APCDD1L: variants seen among roughly 807,000 people sequenced by gnomAD.
APCDD1L encodes APC down-regulated 1 like.
Under a neutral mutation model 24.2 loss-of-function variants are expected in APCDD1L, and 21 were observed. That is an observed-to-expected ratio of 0.87 (90% CI 0.61 to 1.25). APCDD1L has a LOEUF of 1.25. APCDD1L is among the 50% of genes most tolerant of loss of function. The probability of loss-of-function intolerance (pLI) is 0.00; values close to 1 mark genes in which losing one functional copy is unlikely to be tolerated. For synonymous variants in APCDD1L, 321 were observed against 323.6 expected (o/e 0.99, Z 0.09); for missense variants, 704 against 711.7 (o/e 0.99, Z 0.12).
At chr20:58,479,120 T>A (rs149642540) in intron 1 of APCDD1L, among the ~76,000 whole-genome samples, 80 of 152,306 alleles carry the variant, frequency 5.3e-4, no homozygotes, top group Non-Finnish European at 8.4e-4. Context: ...CAGCCCTGCA[T>A]GTGATTTTAC....
At chr20:58,479,827 C>T (rs1989991090) in intron 1 of APCDD1L, among the ~76,000 whole-genome samples, 1 of 152,126 alleles carries the variant, frequency 6.6e-6, no homozygotes, top group Admixed American at 6.5e-5. Flanking sequence ...GGCTGCGTGG[C>T]CATTAAGCTT....
chr20:58,495,569 C>T (rs935219669), intron 1 of APCDD1L, among the ~76,000 whole-genome samples: 3 of 152,148 alleles, frequency 2.0e-5, no homozygotes, highest in Non-Finnish European at 4.4e-5. Flanking sequence ...GAGGTTGAAG[C>T]CCAGGCTGAA....
At position 58,515,038 on chromosome 20, in the gene APCDD1L, C is replaced by A. The variant is rs2123205583; in HGVS notation, c.-331G>T. 1 of 258,362 alleles carries A rather than the reference C, an allele frequency of 3.9e-6. No homozygotes were observed. The highest frequency in any genetic ancestry group is 7.0e-5 in the East Asian group (1 of 14,288). 16.0% of individuals were successfully genotyped at this position (258,362 alleles called of 1,614,324 possible). A position where few individuals can be genotyped will look rare whatever the true frequency, so the allele number is the denominator to read the frequency against. ...CCCAGCCCTCCCCCAGATGTCCGTC[C>A]CCTGGCCGTCGCCTTCCCCAAAGTC... is the stretch of plus-strand genomic sequence containing the variant. On this transcript the variant is annotated 5_prime_UTR_variant, in exon 1 of 4. Coordinates refer to ENST00000371149, the MANE Select transcript of APCDD1L (RefSeq NM_153360.3).
At chr20:58,514,112 T>C in intron 1 of APCDD1L, 1 of 431,956 alleles carries the variant, frequency 2.3e-6, no homozygotes, top group South Asian at 2.3e-5. Context: ...CTACCAGGGG[T>C]TCCTGAAGCC....
chr20:58,489,210 CAACA>C (rs897876564), intron 1 of APCDD1L, among the ~76,000 whole-genome samples: 1 of 151,454 alleles, frequency 6.6e-6, no homozygotes, highest in Non-Finnish European at 1.5e-5. Context: ...CAACACCAAA[CAACA>C]AACAAACCAA....
rs370587888 is a variant in APCDD1L, at chr20:58,461,076, G to A, written c.1220C>T (p.Pro407Leu). 7.4e-6 allele frequency: 12 copies of A among 1,613,964 alleles called. No homozygotes were observed. Among genetic ancestry groups the A allele is most frequent in the East Asian group, 4.5e-5 (2 of 44,892 alleles). ...CTTGAAAAGCTCGTACTCCACATGCGGGAGCCGGATGCCCAGCGGTAGGCA... is the reference window on the plus strand; with the variant it reads ...CTTGAAAAGCTCGTACTCCACATGCAGGAGCCGGATGCCCAGCGGTAGGCA... ...NGCLPLGIRL[P>L]HVEYELFKME... Residue 407 changes from proline (P) to leucine (L), a missense_variant, in exon 4 of 4, where the codon CCG becomes CTG. Physicochemically the swap from Pro to Leu is moderately conservative, Grantham distance 98. Coordinates refer to ENST00000371149, the MANE Select transcript of APCDD1L (RefSeq NM_153360.3). This position sits in a 1 kb window ranked among gnomAD's most constrained non-coding sequence, Gnocchi z 6.0.
At position 58,471,441 on chromosome 20, in the gene APCDD1L, G is replaced by A. The variant is rs73616274; in HGVS notation, c.50-694C>T. On this transcript the variant is annotated intron_variant, in intron 1 of 3. Coordinates refer to ENST00000371149, the MANE Select transcript of APCDD1L (RefSeq NM_153360.3). ...AGGCCCTGCCCTTCTTCAGGGCTCC[G>A]TCCCTAAGCCCAGACACCAGGGGGA... Among the ~76,000 whole-genome samples the A allele has an allele frequency of 7.8e-3, 1,185 of 152,344 alleles. 39 individuals carry two copies. The highest frequency in any genetic ancestry group is 0.072 in the East Asian group (374 of 5,180).
At chr20:58,481,494 A>G (rs1568742008) in intron 1 of APCDD1L, among the ~76,000 whole-genome samples, 1 of 152,322 alleles carries the variant, frequency 6.6e-6, no homozygotes, top group East Asian at 1.9e-4. Context: ...AGGGGCCAAG[A>G]ATCTTGTCGG....
intron 1 of APCDD1L, among the ~76,000 whole-genome samples, chr20:58,471,624 C>A (rs1373472832): frequency 6.6e-6 from 1 of 152,230 alleles, no homozygotes; most frequent in Non-Finnish European, 1.5e-5. Flanking sequence ...TTTTCTCGGG[C>A]TGCTGAGAGG....
rs748036685 is a variant in APCDD1L at position 58,467,210 on chromosome 20, G to A, written c.637C>T (p.Pro213Ser). Residue 213 changes from proline (P) to serine (S), a missense_variant, in exon 3 of 4, where the codon CCC (proline) becomes TCC (serine). Physicochemically the swap from Pro to Ser is moderately conservative, Grantham distance 74. Coordinates refer to ENST00000371149, the MANE Select transcript of APCDD1L (RefSeq NM_153360.3). The surrounding 1 kb of genome is among the most constrained non-coding windows in gnomAD (Gnocchi z 5.9). The stretch of plus-strand genomic sequence containing the variant: ...AGGTACAGCTCCTCCACCAGCCGGG[G>A]CGACGCCCGGGGCTGCGGCTGCAGG... Reference protein sequence around the residue: ...RRLQPQPRASPRLVEELYLGD... With the variant: ...RRLQPQPRASSRLVEELYLGD... 6.2e-7 allele frequency: 1 copy of A among 1,603,450 alleles called. No individual in the cohort carries two copies. Among genetic ancestry groups the A allele is most frequent in the East Asian group, 2.2e-5 (1 of 44,790 alleles).
intron 1 of APCDD1L, among the ~76,000 whole-genome samples, chr20:58,496,668 G>A (rs762656224): frequency 7.9e-5 from 12 of 152,362 alleles, no homozygotes; most frequent in Middle Eastern, 3.4e-3. Context: ...CAGACAGGCC[G>A]GGAGGGTGCA....
Position 58,461,025 on chromosome 20 carries a change from C to G in APCDD1L, c.1271G>C (p.Ser424Thr). 1 of 1,614,124 alleles carries G rather than the reference C, an allele frequency of 6.2e-7. No homozygotes were observed. The highest frequency in any genetic ancestry group is 8.5e-7 in the Non-Finnish European group (1 of 1,180,006). Reference protein sequence around the residue: ...FKMEQDPLGQSLLFIGQRPTD... With the variant: ...FKMEQDPLGQTLLFIGQRPTD... ...GGGCCTTTGTCCGATGAAGAGCAGG[C>G]TTTGCCCGAGGGGGTCTTGTTCCAT... Residue 424 changes from serine to threonine, a missense_variant, in exon 4 of 4, where the codon AGC becomes ACC. By Grantham distance (58) the Ser-to-Thr change is moderately conservative (BLOSUM62 1). Transcript: ENST00000371149. This position sits in a 1 kb window ranked among gnomAD's most constrained non-coding sequence, Gnocchi z 6.0.
At chr20:58,471,393 C>T (rs1291930967) in intron 1 of APCDD1L, among the ~76,000 whole-genome samples, 3 of 152,144 alleles carry the variant, frequency 2.0e-5, no homozygotes, top group African/African-American at 2.4e-5. Flanking sequence ...AGGCCCGGGC[C>T]GAGGTGTGAG....
intron 1 of APCDD1L, among the ~76,000 whole-genome samples, chr20:58,511,275 C>T (rs1440671087): frequency 2.0e-5 from 3 of 152,236 alleles, no homozygotes; most frequent in Admixed American, 2.0e-4. Flanking sequence ...AGCCCCCCAA[C>T]TCAACTTAGC....
chr20:58,471,773 C>T (rs1163567226), intron 1 of APCDD1L, among the ~76,000 whole-genome samples: 1 of 152,258 alleles, frequency 6.6e-6, no homozygotes, highest in Non-Finnish European at 1.5e-5. Flanking sequence ...CGTCCAAATA[C>T]TCCAGCCACG....
rs398036014 is a variant in APCDD1L at position 58,463,143 on chromosome 20, CA to C, written c.742-1590del. 5.8e-3 allele frequency among the ~76,000 whole-genome samples: 548 copies of C among 93,726 alleles called. 2 individuals carry two copies. Among genetic ancestry groups the C allele is most frequent in the African/African-American group, 0.019 (445 of 23,856 alleles). 61.5% of individuals were successfully genotyped at this position (93,726 alleles called of 152,430 possible). On this transcript the variant is annotated intron_variant, in intron 3 of 3. Transcript: ENST00000371149. ...GGTGACAGAGCAAGACTCCATCTCA[CA>C]AAAAAAAAAAAAAAAAAAAAAAATT...
intron 1 of APCDD1L, among the ~76,000 whole-genome samples, chr20:58,489,537 A>G (rs1990184291): frequency 6.6e-6 from 1 of 152,000 alleles, no homozygotes. Flanking sequence ...CAAAAAAATT[A>G]GCTGGGTGTG....
At chr20:58,513,881 G>T in intron 1 of APCDD1L, 1 of 1,304,158 alleles carries the variant, frequency 7.7e-7, no homozygotes, top group Non-Finnish European at 1.0e-6. Context: ...TAACTCCAGG[G>T]CCAGAATTCT....
intron 1 of APCDD1L, among the ~76,000 whole-genome samples, chr20:58,498,645 GT>G (rs760398955): frequency 1.3e-5 from 2 of 152,316 alleles, no homozygotes; most frequent in Non-Finnish European, 1.5e-5. Context: ...GGCCACCTGA[GT>G]TCTGTTTGGA....
Sources: gnomAD v4.1 joint callset for allele counts (sites outside exome capture counted in the v4.1 genomes callset) on GRCh38, gnomAD v4.1.1 for gene constraint, Gnocchi (gnomAD v3.1) non-coding constraint, MANE v1.5 for transcripts, NCBI Gene and HGNC (gene_info 2026-07-23, HGNC 2026-07-21) for gene names.